The following TAT variants were observed in gnomAD, a reference collection of about 807,000 sequenced individuals.
TAT encodes the protein tyrosine aminotransferase.
Under a neutral mutation model 53.6 loss-of-function variants are expected in TAT, and 35 were observed. The observed-to-expected ratio is 0.65, with a 90% CI of 0.50 to 0.87. The LOEUF is 0.87. Among genes scored for constraint, TAT ranks in the 40% least tolerant of loss-of-function variants. The pLI is 0.00. For synonymous variants in TAT, 197 were observed against 206.5 expected, an observed-to-expected ratio of 0.95 and a Z score of 0.39; for missense variants, 525 against 571.8, an observed-to-expected ratio of 0.92 and a Z score of 0.83.
At chr16:71,571,780 G>T in intron 6 of TAT, 122 bp from the exon 7 acceptor site, 1 of 1,002,578 alleles carries the variant, frequency 1.0e-6, no homozygotes, top group Non-Finnish European at 1.5e-6. Flanking sequence ...TAAAGAGAAA[G>T]ACAAAAAGCA....
chr16:71,568,793 T>C lies in TAT; in HGVS notation c.1142A>G (p.Glu381Gly), dbSNP rs750102484. The C allele has an allele frequency of 1.9e-6, 3 of 1,613,842 alleles. No homozygotes were observed. The highest frequency in any genetic ancestry group is 2.2e-5 in the South Asian group (2 of 90,932). The change falls in exon 11 of 12, where the codon GAA becomes GGA. Residue 381 changes from glutamate (E) to glycine (G), a missense_variant. Glu to Gly is a moderately conservative substitution (Grantham distance 98). Coordinates refer to ENST00000355962, the MANE Select transcript of TAT (RefSeq NM_000353.3). ...ATCGTTCTCAAATTCTGGGAAATGT[T>C]CCATCTCAATTCCAACCTATACCAA... ...AMYLMVGIEM[E>G]HFPEFENDVE... is the part of the protein sequence containing the mutation.
At position 71,569,840 on chromosome 16, in the gene TAT, A is replaced by T; in HGVS notation, c.1125+14T>A. ...AACATGCATTGACCTAGTGCCTGCC[A>T]CCCACATACTCACCATGAGGTACAT... On this transcript the variant is annotated intron_variant, in intron 10 of 11. Transcript: ENST00000355962. 1 of 1,612,604 alleles carries T rather than the reference A, an allele frequency of 6.2e-7. No homozygotes were observed. The highest frequency in any genetic ancestry group is 8.5e-7 in the Non-Finnish European group (1 of 1,179,320).
chr16:71,576,558 CTACTTTCTGTTGTAAAGTAGCTT>C, intron 1 of TAT, 131 bp from the exon 2 acceptor site: 1 of 801,190 alleles, frequency 1.2e-6, no homozygotes, highest in South Asian at 1.6e-5. Flanking sequence ...ATTTTTTTTT[CTACTTTCTGTTGTAAAGTAGCTT>C]TACTATGAAT....
chr16:71,571,606 C>T lies in TAT; in HGVS notation c.759G>A (p.Met253Ile). The change falls in exon 7 of 12, where the codon ATG (methionine) becomes ATA (isoleucine). Residue 253 changes from methionine to isoleucine, a missense_variant and splice_region_variant. Physicochemically the swap from Met to Ile is conservative, Grantham distance 10. Coordinates refer to ENST00000355962, the MANE Select transcript of TAT (RefSeq NM_000353.3). ...GTGATATATCCTGATCAAGACTCAC[C>T]ATGTCTCCATAGATCTCATCAGCTA... ...PILADEIYGD[M>I]VFSDCKYEPL... 1 of 1,613,614 alleles carries T rather than the reference C, an allele frequency of 6.2e-7. No homozygotes were observed. The highest frequency in any genetic ancestry group is 1.1e-5 in the South Asian group (1 of 91,062).
chr16:71,571,730 G>A, intron 6 of TAT, 72 bp from the exon 7 acceptor site: 1 of 1,395,502 alleles, frequency 7.2e-7, no homozygotes, highest in Non-Finnish European at 1.0e-6. Flanking sequence ...ATAATATCAT[G>A]TAATTTCCCT....
At position 71,575,826 on chromosome 16, in the gene TAT, T is replaced by A. The variant is rs1257055264; in HGVS notation, c.340+96A>T. On this transcript the variant is annotated intron_variant, in intron 3 of 11. Coordinates refer to ENST00000355962, the MANE Select transcript of TAT (RefSeq NM_000353.3). The stretch of plus-strand genomic sequence containing the variant: ...TTAGCCTCTCCTTAGGAATTGTGCA[T>A]CAGGAAAGTGAAGAGGATTGCTAGA... 1.0e-5 allele frequency: 13 copies of A among 1,245,918 alleles called. No individual in the cohort carries two copies. The Admixed American group carries it at 2.2e-4, about 21-fold the overall frequency. 77.2% of individuals were successfully genotyped at this position (1,245,918 alleles called of 1,614,324 possible).
chr16:71,572,565 AC>A lies in TAT; in HGVS notation c.531del (p.Glu177AspfsTer22). ...TAGAGTTTGACCTCAATTCCCATAG[AC>A]TCAGCCAGAGTCTTGTAGAGAGAGA... ...PGFSLYKTLA[E>X]SMGIEVKLYN... is the part of the protein sequence containing the mutation. On this transcript the variant is annotated frameshift_variant, in exon 5 of 12. Transcript: ENST00000355962. LOFTEE classifies it high-confidence loss of function. The A allele has an allele frequency of 6.2e-7, 1 of 1,614,192 alleles. No homozygotes were observed. Among genetic ancestry groups the A allele is most frequent in the Non-Finnish European group, 8.5e-7 (1 of 1,180,036 alleles).
At position 71,568,303 on chromosome 16, in the gene TAT, G is replaced by A; in HGVS notation, c.1225-19C>T. 2 of 1,613,800 alleles carry A rather than the reference G, an allele frequency of 1.2e-6. No homozygotes were observed. The highest frequency in any genetic ancestry group is 8.5e-7 in the Non-Finnish European group (1 of 1,179,946). On this transcript the variant is annotated intron_variant, in intron 11 of 11. Coordinates refer to ENST00000355962, the MANE Select transcript of TAT (RefSeq NM_000353.3). ...CAAAGCACTGCAAAAAGAAGAGTCT[G>A]TTACTTTCAGAGCAATTGAGTCTGG... is the stretch of plus-strand genomic sequence containing the variant.
intron 2 of TAT, 66 bp from the exon 3 acceptor site, chr16:71,576,092 C>T (rs763906394): frequency 1.4e-5 from 22 of 1,608,024 alleles, no homozygotes; most frequent in Middle Eastern, 1.6e-4. Context: ...TACTCAGACT[C>T]ACCCCCAACT....
chr16:71,575,455 A>G (rs2044228721), intron 3 of TAT: 1 of 178,874 alleles, frequency 5.6e-6, no homozygotes, highest in South Asian at 1.3e-4. Context: ...CCCGTTAGTC[A>G]TAAACGGTAA....
Position 71,571,796 on chromosome 16 carries a change from A to C in TAT, c.707-138T>G, listed in dbSNP as rs142696611. On this transcript the variant is annotated intron_variant, in intron 6 of 11. Coordinates refer to ENST00000355962, the MANE Select transcript of TAT (RefSeq NM_000353.3). The stretch of plus-strand genomic sequence containing the variant: ...AAAGAGAAAGACAAAAAGCACAAGC[A>C]AAGTGTGATTTGCATTTCATGTTTG... 2.5e-3 allele frequency: 2,186 copies of C among 881,248 alleles called. 30 individuals are homozygous for C. In the African/African-American group the frequency reaches 0.03, roughly 12 times the overall value. 54.6% of individuals were successfully genotyped at this position (881,248 alleles called of 1,614,324 possible).
Position 71,570,837 on chromosome 16 carries a change from A to T in TAT, c.760-6T>A, listed in dbSNP as rs2044198403. ...TATTTGCAATCCGAAAACACCTGAG[A>T]AGAGGCACTTGTTATGGTTGTTTTC... On this transcript the variant is annotated splice_region_variant and splice_polypyrimidine_tract_variant and intron_variant, in intron 7 of 11. Transcript: ENST00000355962. 6.2e-7 allele frequency: 1 copy of T among 1,613,748 alleles called. No homozygotes were observed. Among genetic ancestry groups the T allele is most frequent in the Admixed American group, 1.7e-5 (1 of 59,936 alleles).
At position 71,573,528 on chromosome 16, in the gene TAT, A is replaced by G; in HGVS notation, c.408+11T>C. On this transcript the variant is annotated intron_variant, in intron 4 of 11. Coordinates refer to ENST00000355962, the MANE Select transcript of TAT (RefSeq NM_000353.3). ...AATTGCTTCAGAGCTGGTGTCTTGT[A>G]TAAGGCTCACCTTAGCTTCTAGGGG... 6.4e-7 allele frequency: 1 copy of G among 1,552,248 alleles called. No individual in the cohort carries two copies. The highest frequency in any genetic ancestry group is 8.7e-7 in the Non-Finnish European group (1 of 1,147,080).
intron 3 of TAT, among the ~76,000 whole-genome samples, chr16:71,574,300 G>A (rs556218845): frequency 1.6e-4 from 24 of 152,124 alleles, no homozygotes; most frequent in African/African-American, 5.1e-4. Context: ...AGTTGTAATC[G>A]CCAGGCGCGG....
Position 71,576,423 on chromosome 16 carries a change from G to A in TAT, c.-8C>T, listed in dbSNP as rs764680207. On this transcript the variant is annotated 5_prime_UTR_variant, in exon 2 of 12. Transcript: ENST00000355962. ...AATCATGTATGGGTCCATCACTAGCGAAGCCTGCGAGGGGAAAGAAGTTCC... is the reference window on the plus strand; with the variant it reads ...AATCATGTATGGGTCCATCACTAGCAAAGCCTGCGAGGGGAAAGAAGTTCC... The A allele has an allele frequency of 2.8e-5, 45 of 1,613,714 alleles. No homozygotes were observed. Among genetic ancestry groups the A allele is most frequent in the Middle Eastern group, 3.3e-4 (2 of 6,058 alleles).
chr16:71,572,232 G>A lies in TAT; in HGVS notation c.660C>T (p.Pro220=), dbSNP rs1404599153. 23 of 1,614,116 alleles carry A rather than the reference G, an allele frequency of 1.4e-5. No homozygotes were observed. Among genetic ancestry groups the A allele is most frequent in the African/African-American group, 4.0e-5 (3 of 74,942 alleles). ...GACGTTTGCTGAACACTGACCCACA[G>A]GGGTTTGATGGATTATTGACAATGA... The part of the protein sequence containing the change: ...ACLIVNNPSN[P]CGSVFSKRHL... Residue 220 remains proline, a synonymous_variant, in exon 6 of 12, where the codon CCC becomes CCT. Transcript: ENST00000355962.
In TAT at chr16:71,566,307, A is replaced by C. The variant is rs1445494780; in HGVS notation, c.*1837T>G. On this transcript the variant is annotated 3_prime_UTR_variant, in exon 12 of 12. Transcript: ENST00000355962. ...TGTGACTGGCAGGGTTGAGACCTGA[A>C]GTTCCTCTTTTAGATAAGGAAAATT... 2 of 152,142 alleles carry C rather than the reference A, an allele frequency of 1.3e-5. No homozygotes were observed. Among genetic ancestry groups the C allele is most frequent in the African/African-American group, 4.8e-5 (2 of 41,428 alleles). 9.4% of individuals were successfully genotyped at this position (152,142 alleles called of 1,614,324 possible).
intron 3 of TAT, 128 bp downstream of exon 3, chr16:71,575,794 T>C (rs2044230968): frequency 2.9e-6 from 3 of 1,032,932 alleles, no homozygotes; most frequent in South Asian, 2.6e-5. Context: ...CAAAGGACCA[T>C]GTAATCTTAG....
chr16:71,566,469 G>GAAAAAAAAAAAAAAAAAA lies in TAT; in HGVS notation c.*1657_*1674dup, dbSNP rs34263853. 1.1e-5 allele frequency: 1 copy of GAAAAAAAAAAAAAAAAAA among 89,976 alleles called. No individual in the cohort carries two copies. The highest frequency in any genetic ancestry group is 4.3e-5 in the African/African-American group (1 of 23,222). 5.6% of individuals were successfully genotyped at this position (89,976 alleles called of 1,614,324 possible). The stretch of plus-strand genomic sequence containing the variant: ...GGCAACTGTGCCTATGAAGATTTGC[G>GAAAAAAAAAAAAAAAAAA]AAAAAAAAAAAAAAAAAAAAACATC... On this transcript the variant is annotated 3_prime_UTR_variant, in exon 12 of 12. Transcript: ENST00000355962.
Sources: allele counts gnomAD v4.1 joint callset (sites outside exome capture counted in the v4.1 genomes callset), GRCh38; gene constraint gnomAD v4.1.1; transcripts MANE v1.5; gene names NCBI Gene and HGNC (gene_info 2026-07-23, HGNC 2026-07-21).